The following N4BP2L2 variants were observed in gnomAD, a reference collection of about 807,000 sequenced individuals.
The protein encoded by N4BP2L2 is NEDD4 binding protein 2 like 2, also known as NEDD4-binding protein 2-like 2.
A neutral mutation model predicts 56.2 loss-of-function variants in N4BP2L2; 50 were observed. That is an observed-to-expected ratio of 0.89 (90% CI 0.71 to 1.13). The LOEUF is 1.13. N4BP2L2 is among the 50% of genes most tolerant of loss of function. The pLI is 0.00. For synonymous variants in N4BP2L2, 203 were observed against 223.6 expected, an observed-to-expected ratio of 0.91 and a Z score of 0.82; for missense variants, 689 against 693.8, an observed-to-expected ratio of 0.99 and a Z score of 0.08.
chr13:32,443,366 C>T (rs2076618072), exon 7 of N4BP2L2: 11 of 1,614,014 alleles, frequency 6.8e-6, no homozygotes, highest in African/African-American at 1.3e-5. Context: ...TTATGAGGTC[C>T]TGCAGGCCAG....
At chr13:32,486,446 C>T (rs933268166) in intron 6 of N4BP2L2, among the ~76,000 whole-genome samples, 12 of 151,922 alleles carry the variant, frequency 7.9e-5, no homozygotes, top group Admixed American at 1.3e-4. Context: ...GAGGGTGAGG[C>T]GGGTGGATCA....
downstream of N4BP2L2, chr13:32,508,015 T>C (rs2091224572): frequency 1.3e-5 from 2 of 151,972 alleles, no homozygotes; most frequent in African/African-American, 2.4e-5. Flanking sequence ...GAGACAGAAA[T>C]AACCACAGAG....
Position 32,466,880 on chromosome 13 carries a change from T to C in N4BP2L2, c.366-22754A>G, listed in dbSNP as rs2081336365. 2.0e-5 allele frequency among the ~76,000 whole-genome samples: 3 copies of C among 152,328 alleles called. No individual in the cohort carries two copies. In the East Asian group the frequency reaches 5.8e-4, roughly 29 times the overall value. On this transcript the variant is annotated intron_variant, in intron 6 of 9. Transcript: ENST00000357505. ...ACGTTGTAATAAATATATTTTTAAG[T>C]AGAAAAGGGAGTCTTCCCTAAGAAC...
intron 6 of N4BP2L2, among the ~76,000 whole-genome samples, chr13:32,448,317 G>C (rs1441846322): frequency 6.6e-6 from 1 of 152,076 alleles, no homozygotes; most frequent in Non-Finnish European, 1.5e-5. Flanking sequence ...CTGTGTCAAG[G>C]ATCATTAAAT....
intron 6 of N4BP2L2, chr13:32,478,430 C>T (rs1361535824): frequency 5.8e-6 from 1 of 171,644 alleles, no homozygotes; most frequent in Non-Finnish European, 1.3e-5. Flanking sequence ...CCTCCCCAGC[C>T]AAAGCAGCTT....
Position 32,445,321 on chromosome 13 carries a change from T to C in N4BP2L2, c.366-1195A>G, listed in dbSNP as rs189666584. On this transcript the variant is annotated intron_variant, in intron 6 of 9. Coordinates refer to the N4BP2L2 transcript ENST00000357505. Reference sequence around the variant, plus strand: ...AGAAAAGGTACATAAACATATGGTATTATAATCTCATGGGACCACTGTCAT... The same window carrying C: ...AGAAAAGGTACATAAACATATGGTACTATAATCTCATGGGACCACTGTCAT... 1.6e-3 allele frequency among the ~76,000 whole-genome samples: 244 copies of C among 152,340 alleles called. 2 individuals are homozygous for C. Among genetic ancestry groups the C allele is most frequent in the East Asian group, 5.8e-4 (3 of 5,188 alleles).
chr13:32,480,743 A>G (rs2084476690), intron 6 of N4BP2L2: 6 of 579,128 alleles, frequency 1.0e-5, no homozygotes, highest in Non-Finnish European at 1.6e-5. Flanking sequence ...TTTTCATTTT[A>G]TAGACTGAAG....
At chr13:32,529,165 G>T (rs572629871) in intron 2 of N4BP2L2, among the ~76,000 whole-genome samples, 3 of 152,152 alleles carry the variant, frequency 2.0e-5, no homozygotes, top group Non-Finnish European at 2.9e-5. Context: ...CACTGATGTG[G>T]AATCAACAAA....
intron 6 of N4BP2L2, among the ~76,000 whole-genome samples, chr13:32,468,587 A>C (rs1224452367): frequency 6.6e-6 from 1 of 152,254 alleles, no homozygotes; most frequent in Non-Finnish European, 1.5e-5. Flanking sequence ...ACTGGAAGTG[A>C]TGGGCACATG....
At chr13:32,443,524 C>T (rs754929118) in exon 7 of N4BP2L2, 4 of 1,610,952 alleles carry the variant, frequency 2.5e-6, no homozygotes, top group South Asian at 2.2e-5. Context: ...ATGTTGATGG[C>T]ACAGAATGGG....
intron 5 of N4BP2L2, among the ~76,000 whole-genome samples, chr13:32,519,376 C>T (rs969947982): frequency 7.2e-5 from 11 of 152,066 alleles, no homozygotes; most frequent in Non-Finnish European, 5.9e-5. Context: ...CACTGCAAGC[C>T]GGGTGCAGTG....
chr13:32,434,009 G>A (rs964896091), intron 9 of N4BP2L2, among the ~76,000 whole-genome samples: 3 of 151,514 alleles, frequency 2.0e-5, no homozygotes, highest in Non-Finnish European at 4.4e-5. Flanking sequence ...TTAGGGGAAG[G>A]GAATTCACTC....
At chr13:32,464,936 A>G (rs1017281662) in intron 6 of N4BP2L2, among the ~76,000 whole-genome samples, 8 of 152,152 alleles carry the variant, frequency 5.3e-5, no homozygotes, top group Non-Finnish European at 1.2e-4. Context: ...AAATCATCCA[A>G]TACCAAGTGT....
At chr13:32,536,090 A>G (rs1384357939) in exon 2 of N4BP2L2, 1 of 1,614,016 alleles carries the variant, frequency 6.2e-7, no homozygotes, top group Non-Finnish European at 8.5e-7. Flanking sequence ...TCCATTTTGT[A>G]TCTGAGAGTC....
At chr13:32,502,911 A>G (rs532460108) in intron 6 of N4BP2L2, among the ~76,000 whole-genome samples, 5 of 152,286 alleles carry the variant, frequency 3.3e-5, no homozygotes, top group African/African-American at 1.2e-4. Context: ...GGTGGCTCAC[A>G]CCTGTAATCC....
chr13:32,450,553 T>A (rs2077780701), intron 6 of N4BP2L2, among the ~76,000 whole-genome samples: 1 of 152,082 alleles, frequency 6.6e-6, no homozygotes, highest in African/African-American at 2.4e-5. Context: ...CTCGATCTCA[T>A]GACCTTGTGA....
At chr13:32,455,796 C>T (rs774256640) in intron 6 of N4BP2L2, among the ~76,000 whole-genome samples, 3 of 152,164 alleles carry the variant, frequency 2.0e-5, no homozygotes, top group African/African-American at 4.8e-5. Context: ...CCGCACTCCT[C>T]TTCAGAGTCT....
chr13:32,463,726 C>T (rs551256606), intron 6 of N4BP2L2, among the ~76,000 whole-genome samples: 10 of 150,020 alleles, frequency 6.7e-5, no homozygotes, highest in Non-Finnish European at 1.0e-4. Context: ...GAGCTGAATT[C>T]TCACCATAAA....
At chr13:32,480,478 G>T in intron 6 of N4BP2L2, 4 of 484,056 alleles carry the variant, frequency 8.3e-6, no homozygotes, top group Non-Finnish European at 1.4e-5. Context: ...TAGTTGGACG[G>T]CATCATATTT....
Sources: gnomAD v4.1 joint callset for allele counts (sites outside exome capture counted in the v4.1 genomes callset) on GRCh38, gnomAD v4.1.1 for gene constraint, MANE v1.5 for transcripts, NCBI Gene and HGNC (gene_info 2026-07-23, HGNC 2026-07-21) for gene names.